The following MOB3B variants were observed in gnomAD, a reference collection of about 807,000 sequenced individuals.
MOB3B encodes the protein MOB kinase activator-like 2B.
A neutral mutation model predicts 18.7 loss-of-function variants in MOB3B; 7 were observed. That is an observed-to-expected ratio of 0.37 (90% CI 0.21 to 0.70). The LOEUF is 0.70. Ranked by LOEUF, MOB3B falls within the 30% of genes least tolerant of loss-of-function variation. The probability of loss-of-function intolerance (pLI) is 0.52; values close to 1 mark genes in which losing one functional copy is unlikely to be tolerated. For synonymous variants in MOB3B, 111 were observed against 99.9 expected, an observed-to-expected ratio of 1.11 and a Z score of -0.66; for missense variants, 253 against 281.3, an observed-to-expected ratio of 0.90 and a Z score of 0.72.
chr9:27,330,398 C>A lies in MOB3B; in HGVS notation c.*189G>T. ...GGTCTGCCTCGTCCACAGGTCTGGG[C>A]TAGCAGCACTCAGAAGGTTAAGAGC... On this transcript the variant is annotated 3_prime_UTR_variant, in exon 4 of 4. Transcript: ENST00000262244. The A allele has an allele frequency of 1.5e-6, 1 of 667,922 alleles. No homozygotes were observed. Among genetic ancestry groups the A allele is most frequent in the Non-Finnish European group, 2.5e-6 (1 of 399,758 alleles). 41.4% of individuals were successfully genotyped at this position (667,922 alleles called of 1,614,324 possible). A position where few individuals can be genotyped will look rare whatever the true frequency, so the allele number is the denominator to read the frequency against.
chr9:27,484,027 G>A (rs947221844), intron 1 of MOB3B, among the ~76,000 whole-genome samples: 1 of 152,220 alleles, frequency 6.6e-6, no homozygotes, highest in African/African-American at 2.4e-5. Flanking sequence ...GGCCCATAAC[G>A]AGCTTATGAT....
intron 2 of MOB3B, among the ~76,000 whole-genome samples, chr9:27,409,081 C>T (rs941133491): frequency 6.6e-6 from 1 of 152,150 alleles, no homozygotes; most frequent in Non-Finnish European, 1.5e-5. Flanking sequence ...TCTTTATTCC[C>T]GTATCATAGT....
chr9:27,481,507 TTTTGTTTTTTTTG>T (rs1819651230), intron 1 of MOB3B, among the ~76,000 whole-genome samples: 5 of 102,302 alleles, frequency 4.9e-5, no homozygotes, highest in Admixed American at 3.8e-4. Flanking sequence ...GTTTTTTTTT[TTTTGTTTTTTTTG>T]TTTTTTTTTT....
intron 1 of MOB3B, among the ~76,000 whole-genome samples, chr9:27,495,058 G>C (rs188404720): frequency 3.0e-4 from 46 of 152,288 alleles, no homozygotes; most frequent in Admixed American, 1.4e-3. Context: ...GGCCAGGCAA[G>C]GTGGCTCACA....
chr9:27,440,103 G>T (rs1361838538), intron 2 of MOB3B, among the ~76,000 whole-genome samples: 1 of 152,146 alleles, frequency 6.6e-6, no homozygotes, highest in African/African-American at 2.4e-5. Context: ...GTGTAAGATT[G>T]GTCTCACCCT....
chr9:27,525,389 C>T (rs1563890873), intron 1 of MOB3B, among the ~76,000 whole-genome samples: 1 of 152,186 alleles, frequency 6.6e-6, no homozygotes, highest in Non-Finnish European at 1.5e-5. Flanking sequence ...AAATTCAGCA[C>T]ATTAAAAGAG....
At chr9:27,358,382 G>T (rs566139757) in intron 3 of MOB3B, among the ~76,000 whole-genome samples, 23 of 152,348 alleles carry the variant, frequency 1.5e-4, no homozygotes, top group African/African-American at 5.5e-4. Flanking sequence ...CCACTGGAAA[G>T]AGAGCTTTTG....
At chr9:27,390,472 G>A (rs1821711651) in intron 2 of MOB3B, among the ~76,000 whole-genome samples, 1 of 152,214 alleles carries the variant, frequency 6.6e-6, no homozygotes, top group African/African-American at 2.4e-5. Context: ...AAAGTGCTGG[G>A]ATTATAGGCG....
At chr9:27,444,304 A>AAGGAAGAAAGG (rs1822657025) in intron 2 of MOB3B, among the ~76,000 whole-genome samples, 6 of 77,666 alleles carry the variant, frequency 7.7e-5, no homozygotes, top group African/African-American at 2.8e-4. Flanking sequence ...AGGAAGGAAG[A>AAGGAAGAAAGG]AAGGAAGGAA....
intron 2 of MOB3B, among the ~76,000 whole-genome samples, chr9:27,389,944 T>C (rs910741887): frequency 1.3e-5 from 2 of 151,872 alleles, no homozygotes; most frequent in African/African-American, 4.8e-5. Context: ...AAGCATCTGC[T>C]AAAAAAATAA....
intron 2 of MOB3B, among the ~76,000 whole-genome samples, chr9:27,377,987 TC>T (rs1170514673): frequency 6.6e-6 from 1 of 152,138 alleles, no homozygotes; most frequent in Non-Finnish European, 1.5e-5. Context: ...CACCTCTCCT[TC>T]CCCCAAGAAG....
intron 1 of MOB3B, among the ~76,000 whole-genome samples, chr9:27,523,846 G>A (rs1412101961): frequency 6.6e-6 from 1 of 152,084 alleles, no homozygotes. Context: ...CAGTCATTTG[G>A]TCAATGTCTA....
intron 1 of MOB3B, among the ~76,000 whole-genome samples, chr9:27,502,831 G>A (rs1441321218): frequency 6.6e-6 from 1 of 152,216 alleles, no homozygotes; most frequent in Non-Finnish European, 1.5e-5. Flanking sequence ...GAATGTCACA[G>A]GAAAGTAGGC....
At chr9:27,462,413 G>C (rs1269524258) in intron 1 of MOB3B, among the ~76,000 whole-genome samples, 2 of 152,162 alleles carry the variant, frequency 1.3e-5, no homozygotes, top group African/African-American at 4.8e-5. Flanking sequence ...TAAAGCTTAA[G>C]TTATAGCTGA....
chr9:27,525,886 C>T (rs1420770099), intron 1 of MOB3B: 1 of 152,152 alleles, frequency 6.6e-6, no homozygotes, highest in Admixed American at 6.5e-5. Context: ...TTAAAAGTTA[C>T]TTTGCAGCCA....
chr9:27,326,788 C>T lies in MOB3B; in HGVS notation c.*3799G>A, dbSNP rs939469452. On this transcript the variant is annotated 3_prime_UTR_variant, in exon 4 of 4. Coordinates refer to ENST00000262244, the MANE Select transcript of MOB3B (RefSeq NM_024761.5). ...ATTTCTCAATTACAGCCGTGTAAGA[C>T]ATTTTCTTCCTAATCATCTCTCCCT... 1.3e-4 allele frequency: 51 copies of T among 390,164 alleles called. No individual in the cohort carries two copies. The highest frequency in any genetic ancestry group is 1.8e-5 in the Non-Finnish European group (4 of 221,234). 24.2% of individuals were successfully genotyped at this position (390,164 alleles called of 1,614,324 possible). A position where few individuals can be genotyped will look rare whatever the true frequency, so the allele number is the denominator to read the frequency against.
At chr9:27,332,414 A>G (rs1820803307) in intron 3 of MOB3B, among the ~76,000 whole-genome samples, 1 of 152,260 alleles carries the variant, frequency 6.6e-6, no homozygotes, top group Non-Finnish European at 1.5e-5. Context: ...TTCATGGGAT[A>G]AACAGAATTT....
chr9:27,525,120 G>A (rs41272881), intron 1 of MOB3B, among the ~76,000 whole-genome samples: 305 of 152,234 alleles, frequency 2.0e-3, no homozygotes, highest in Non-Finnish European at 2.9e-3. Flanking sequence ...CTAAGGAGAG[G>A]TAATGCCAAC....
At chr9:27,474,228 T>C (rs1819518938) in intron 1 of MOB3B, among the ~76,000 whole-genome samples, 1 of 152,164 alleles carries the variant, frequency 6.6e-6, no homozygotes, top group African/African-American at 2.4e-5. Context: ...GTGATAATAA[T>C]TTATATTTCC....
Sources: allele counts gnomAD v4.1 joint callset (sites outside exome capture counted in the v4.1 genomes callset), GRCh38; gene constraint gnomAD v4.1.1; transcripts MANE v1.5; gene names NCBI Gene and HGNC (gene_info 2026-07-23, HGNC 2026-07-21).